NRG1: variants seen among roughly 807,000 people sequenced by gnomAD.
The protein encoded by NRG1 is pro-neuregulin-1, membrane-bound isoform.
In NRG1, 18 loss-of-function variants were observed where a neutral mutation model predicts 63.8. That is an observed-to-expected ratio of 0.28 (90% CI 0.19 to 0.42). NRG1 has a LOEUF of 0.42. NRG1 is among the 10% of genes least tolerant of loss of function. The probability of loss-of-function intolerance (pLI) is 1.00; values close to 1 mark genes in which losing one functional copy is unlikely to be tolerated. For synonymous variants in NRG1, 302 were observed against 301.3 expected, an observed-to-expected ratio of 1.00 and a Z score of -0.02; for missense variants, 762 against 814.7, an observed-to-expected ratio of 0.94 and a Z score of 0.79.
intron 5 of NRG1, among the ~76,000 whole-genome samples, chr8:32,651,001 A>T (rs1854997450): frequency 1.3e-5 from 2 of 152,136 alleles, no homozygotes; most frequent in South Asian, 4.1e-4. Flanking sequence ...AATCCCAGTA[A>T]TTGTGTCTGC....
intron 1 of NRG1, among the ~76,000 whole-genome samples, chr8:31,876,403 A>G (rs545488426): frequency 4.6e-5 from 7 of 152,308 alleles, no homozygotes; most frequent in African/African-American, 1.7e-4. Context: ...CTTTCTATTC[A>G]TTTGAGTAAC....
intron 1 of NRG1, among the ~76,000 whole-genome samples, chr8:32,290,312 CA>C (rs1263035065): frequency 4.0e-5 from 6 of 151,680 alleles, no homozygotes; most frequent in African/African-American, 1.5e-4. Context: ...TTCATACAGT[CA>C]TATGAAATGA....
At chr8:32,454,394 G>A (rs1821343177) in intron 1 of NRG1, among the ~76,000 whole-genome samples, 1 of 152,008 alleles carries the variant, frequency 6.6e-6, no homozygotes, top group East Asian at 1.9e-4. Flanking sequence ...CTGTTTCGAG[G>A]TTTTTCTTTT....
chr8:31,756,991 G>A (rs551530670), intron 1 of NRG1, among the ~76,000 whole-genome samples: 3 of 152,296 alleles, frequency 2.0e-5, no homozygotes, highest in African/African-American at 4.8e-5. Flanking sequence ...CATATTCAAA[G>A]TGTGATCCGC....
chr8:31,799,404 C>T (rs1260840007), intron 1 of NRG1, among the ~76,000 whole-genome samples: 1 of 151,932 alleles, frequency 6.6e-6, no homozygotes, highest in East Asian at 1.9e-4. Context: ...ATCAGTTACT[C>T]TTTTTCAGAA....
At chr8:32,342,634 A>G (rs747650928) in intron 1 of NRG1, among the ~76,000 whole-genome samples, 2 of 152,214 alleles carry the variant, frequency 1.3e-5, no homozygotes, top group African/African-American at 2.4e-5. Context: ...CTTGTTCTTG[A>G]TAATACAGTT....
chr8:32,330,927 T>C (rs1177764420), intron 1 of NRG1, among the ~76,000 whole-genome samples: 4 of 150,650 alleles, frequency 2.7e-5, no homozygotes, highest in Non-Finnish European at 5.9e-5. Flanking sequence ...GTTTCTCTCC[T>C]GATCTAGAGT....
intron 1 of NRG1, among the ~76,000 whole-genome samples, chr8:31,683,324 T>A (rs1200075698): frequency 6.6e-6 from 1 of 152,022 alleles, no homozygotes; most frequent in Non-Finnish European, 1.5e-5. Context: ...GAGAAAAAAA[T>A]TGTGGTACAC....
chr8:31,987,709 T>G lies in NRG1; in HGVS notation c.37+348278T>G, dbSNP rs575978873. 5.3e-5 allele frequency among the ~76,000 whole-genome samples: 8 copies of G among 151,866 alleles called. No homozygotes were observed. The East Asian group carries it at 1.6e-3, about 30-fold the overall frequency. On this transcript the variant is annotated intron_variant, in intron 1 of 10. Coordinates refer to the NRG1 transcript ENST00000519301. Reference sequence around the variant, plus strand: ...ACCCCAGCAACATGCAATTTACCCATGTAACAAACCTGCACATGTGCCCCT... The same window carrying G: ...ACCCCAGCAACATGCAATTTACCCAGGTAACAAACCTGCACATGTGCCCCT...
intron 1 of NRG1, among the ~76,000 whole-genome samples, chr8:31,877,995 T>G (rs531755827): frequency 2.9e-4 from 44 of 152,364 alleles, no homozygotes; most frequent in South Asian, 1.0e-3. Flanking sequence ...GAAAACAACT[T>G]GTATAAATTG....
At chr8:31,876,356 A>G (rs1050268850) in intron 1 of NRG1, among the ~76,000 whole-genome samples, 1 of 152,214 alleles carries the variant, frequency 6.6e-6, no homozygotes, top group Non-Finnish European at 1.5e-5. Context: ...AAAGGAGGTC[A>G]TCAATTTCTG....
At chr8:32,434,364 T>G (rs756503113) in intron 1 of NRG1, among the ~76,000 whole-genome samples, 34 of 152,154 alleles carry the variant, frequency 2.2e-4, no homozygotes, top group Admixed American at 1.3e-4. Context: ...CTTTTAATAC[T>G]AACAATGCCT....
At chr8:32,516,930 A>G (rs1829875844) in intron 1 of NRG1, among the ~76,000 whole-genome samples, 1 of 152,172 alleles carries the variant, frequency 6.6e-6, no homozygotes. Flanking sequence ...CACCCTAGTG[A>G]TGATGAATTC....
intron 1 of NRG1, among the ~76,000 whole-genome samples, chr8:31,822,127 T>C (rs1824064282): frequency 6.6e-6 from 1 of 152,224 alleles, no homozygotes; most frequent in Admixed American, 6.5e-5. Flanking sequence ...AAGCTTGAGC[T>C]AGACCATGGT....
chr8:32,728,168 C>A, intron 6 of NRG1, 90 bp downstream of exon 6: 1 of 1,562,636 alleles, frequency 6.4e-7, no homozygotes, highest in Non-Finnish European at 8.7e-7. Context: ...GCTTTTTTTC[C>A]AATTTTGTTG....
At chr8:32,271,804 G>A (rs190152394) in intron 1 of NRG1, among the ~76,000 whole-genome samples, 54 of 152,056 alleles carry the variant, frequency 3.6e-4, no homozygotes, top group Non-Finnish European at 6.5e-4. Context: ...ACCTAGGGTC[G>A]TGCAAACATC....
At chr8:31,772,459 A>C (rs1007224413) in intron 1 of NRG1, among the ~76,000 whole-genome samples, 4 of 152,114 alleles carry the variant, frequency 2.6e-5, no homozygotes, top group African/African-American at 4.8e-5. Flanking sequence ...ACCCAGGCTT[A>C]TTTTCCTTCG....
At chr8:32,599,376 C>A (rs760199239) in intron 2 of NRG1, among the ~76,000 whole-genome samples, 1 of 152,086 alleles carries the variant, frequency 6.6e-6, no homozygotes, top group Non-Finnish European at 1.5e-5. Context: ...CTTTTTCACA[C>A]TTCTTATAAT....
chr8:32,737,675 CT>C (rs561750288), intron 6 of NRG1, among the ~76,000 whole-genome samples: 4,318 of 127,810 alleles, frequency 0.034, 38 homozygotes, highest in Non-Finnish European at 0.037. Flanking sequence ...GACAATCTTC[CT>C]TTTTTTTTTT....
Sources: allele counts gnomAD v4.1 joint callset (sites outside exome capture counted in the v4.1 genomes callset), GRCh38; gene constraint gnomAD v4.1.1; transcripts MANE v1.5; gene names NCBI Gene and HGNC (gene_info 2026-07-23, HGNC 2026-07-21).